The following HOXB4 variants were observed in gnomAD, a reference collection of about 807,000 sequenced individuals.
HOXB4 encodes the protein homeobox protein Hox-B4.
HOXB4 carries 13 observed loss-of-function variants against 20.0 expected under a neutral mutation model. That is an observed-to-expected ratio of 0.65 (90% CI 0.42 to 1.03). The LOEUF (loss-of-function observed/expected upper bound fraction) is 1.03. HOXB4 is among the 50% of genes least tolerant of loss of function. The pLI, the probability that HOXB4 is intolerant of heterozygous loss-of-function variation, is 0.00. For missense variants in HOXB4, 343 were observed against 357.1 expected, an observed-to-expected ratio of 0.96 and a Z score of 0.32; for synonymous variants, 173 against 148.9, an observed-to-expected ratio of 1.16 and a Z score of -1.18.
At chr17:48,577,782 C>T in intron 1 of HOXB4, 81 bp downstream of exon 1, 15 of 1,227,980 alleles carry the variant, frequency 1.2e-5, no homozygotes, top group Non-Finnish European at 1.6e-5. Context: ...CCAGCTCAAC[C>T]CCCCCCCAAC....
intron 1 of HOXB4, among the ~76,000 whole-genome samples, chr17:48,577,448 C>T (rs1209918414): frequency 6.6e-6 from 1 of 152,198 alleles, no homozygotes; most frequent in African/African-American, 2.4e-5. Context: ...TTGCTCACTT[C>T]TCCAGCCAAG....
In HOXB4 at chr17:48,576,405, C is replaced by A. The variant is rs990757076; in HGVS notation, c.*317G>T. The A allele has an allele frequency of 1.2e-5, 3 of 252,598 alleles. No homozygotes were observed. The highest frequency in any genetic ancestry group is 2.2e-5 in the Non-Finnish European group (3 of 134,138). 15.6% of individuals were successfully genotyped at this position (252,598 alleles called of 1,614,324 possible). Reference sequence around the variant, plus strand: ...CGCCAAAGCTGAAAACGAGGAGCTGCAGCCTCCTCCTATTTCTCTTTCTGT... The same window carrying A: ...CGCCAAAGCTGAAAACGAGGAGCTGAAGCCTCCTCCTATTTCTCTTTCTGT... On this transcript the variant is annotated 3_prime_UTR_variant, in exon 2 of 2. Coordinates refer to ENST00000332503, the MANE Select transcript of HOXB4 (RefSeq NM_024015.5).
Position 48,575,523 on chromosome 17 carries a change from C to A in HOXB4, c.*1199G>T, listed in dbSNP as rs72829861. On this transcript the variant is annotated 3_prime_UTR_variant, in exon 2 of 2. Coordinates refer to ENST00000332503, the MANE Select transcript of HOXB4 (RefSeq NM_024015.5). ...AACACGCTGTGCTGGTCACAAGAAACCAAACATTTATTTCTATTGTCACTC... is the reference window on the plus strand; with the variant it reads ...AACACGCTGTGCTGGTCACAAGAAAACAAACATTTATTTCTATTGTCACTC... 0.044 allele frequency: 6,777 copies of A among 152,414 alleles called. 192 individuals are homozygous for A. Among genetic ancestry groups the A allele is most frequent in the South Asian group, 0.071 (343 of 4,814 alleles). The allele number at this position is 152,414 out of a possible 1,614,324, so 9.4% of individuals were successfully genotyped here. A position where few individuals can be genotyped will look rare whatever the true frequency, so the allele number is the denominator to read the frequency against.
intron 1 of HOXB4, 92 bp downstream of exon 1, chr17:48,577,771 C>T (rs1157007365): frequency 1.6e-5 from 19 of 1,175,560 alleles, no homozygotes; most frequent in Non-Finnish European, 1.8e-5. Context: ...AATTGGCTTC[C>T]CCAGCTCAAC....
rs1025173838 is a variant in HOXB4, at chr17:48,578,215, G to A, written c.105C>T (p.Pro35=). 2 of 1,613,782 alleles carry A rather than the reference G, an allele frequency of 1.2e-6. No homozygotes were observed. Among genetic ancestry groups the A allele is most frequent in the Non-Finnish European group, 1.7e-6 (2 of 1,179,830 alleles). Residue 35 remains proline (P), a synonymous_variant, in exon 1 of 2, where the codon CCC becomes CCT. Transcript: ENST00000332503. ...GCCTCTGGCCGCCGGCGTAGTACCC[G>A]GGCGAGTGGTCGCTGGGTAGGTAAT... The part of the protein sequence containing the change: ...QSDYLPSDHS[P]GYYAGGQRRE...
chr17:48,577,917 C>T lies in HOXB4; in HGVS notation c.403G>A (p.Ala135Thr), dbSNP rs532963118. ...NPLHPSPSHS[A>T]CKEPVVYPWM... Reference sequence around the variant, plus strand: ...GGGTAGACGACGGGCTCTTTGCACGCGGAGTGGGACGGGCTGGGGTGCAGG... The same window carrying T: ...GGGTAGACGACGGGCTCTTTGCACGTGGAGTGGGACGGGCTGGGGTGCAGG... Residue 135 changes from alanine (A) to threonine (T), a missense_variant, in exon 1 of 2, where the codon GCG becomes ACG. By Grantham distance (58) the Ala-to-Thr change is moderately conservative. Transcript: ENST00000332503. 1 of 1,368,932 alleles carries T rather than the reference C, an allele frequency of 7.3e-7. No homozygotes were observed. The highest frequency in any genetic ancestry group is 9.5e-7 in the Non-Finnish European group (1 of 1,053,802). 84.8% of individuals were successfully genotyped at this position (1,368,932 alleles called of 1,614,324 possible). A position where few individuals can be genotyped will look rare whatever the true frequency, so the allele number is the denominator to read the frequency against.
In HOXB4 at chr17:48,578,146, C is replaced by G. The variant is rs1212863514; in HGVS notation, c.174G>C (p.Ala58=). The G allele has an allele frequency of 3.8e-6, 6 of 1,577,414 alleles. No homozygotes were observed. The African/African-American group carries it at 5.4e-5, about 14-fold the overall frequency. ...CCGCGTAGCGCTGCACGGTGCACGC[C>G]GCGCGCCGCCCGAAGCCCGCCTCCG... The part of the protein sequence containing the change: ...FQPEAGFGRR[A]ACTVQRYAAC... The change falls in exon 1 of 2, where the codon GCG becomes GCC. Residue 58 remains alanine (A), a synonymous_variant. Coordinates refer to ENST00000332503, the MANE Select transcript of HOXB4 (RefSeq NM_024015.5).
chr17:48,577,150 GC>G (rs3833171), intron 1 of HOXB4, 130 bp from the exon 2 acceptor site: 841,564 of 949,742 alleles, frequency 0.89, 375,089 homozygotes, highest in Non-Finnish European at 0.91. Flanking sequence ...CTGAGGGAGA[GC>G]GGGGAAAAAC....
Position 48,576,524 on chromosome 17 carries a change from G to C in HOXB4, c.*198C>G, listed in dbSNP as rs754344512. On this transcript the variant is annotated 3_prime_UTR_variant, in exon 2 of 2. Coordinates refer to ENST00000332503, the MANE Select transcript of HOXB4 (RefSeq NM_024015.5). ...ATCTTGCTTCTGGGGGGGCCTCCCC[G>C]TGGCCCTCTATTGTCATTTCTATAA... 9.7e-6 allele frequency: 4 copies of C among 413,866 alleles called. No individual in the cohort carries two copies. Among genetic ancestry groups the C allele is most frequent in the Non-Finnish European group, 1.7e-5 (4 of 237,664 alleles). The allele number at this position is 413,866 out of a possible 1,614,324, so 25.6% of individuals were successfully genotyped here.
At position 48,575,628 on chromosome 17, in the gene HOXB4, G is replaced by C. The variant is rs958236902; in HGVS notation, c.*1094C>G. The C allele has an allele frequency of 1.3e-5, 2 of 152,388 alleles. No individual in the cohort carries two copies. Among genetic ancestry groups the C allele is most frequent in the Non-Finnish European group, 2.9e-5 (2 of 68,010 alleles). The allele number at this position is 152,388 out of a possible 1,614,324, so 9.4% of individuals were successfully genotyped here. ...AGAGGTAGGAAGGGGCCTGGTTTTG[G>C]AATGTCAGAAAGAGAAAAGGAGAGA... On this transcript the variant is annotated 3_prime_UTR_variant, in exon 2 of 2. Coordinates refer to ENST00000332503, the MANE Select transcript of HOXB4 (RefSeq NM_024015.5).
Position 48,577,850 on chromosome 17 carries a change from C to T in HOXB4, c.457+13G>A. 1 of 1,400,274 alleles carries T rather than the reference C, an allele frequency of 7.1e-7. No individual in the cohort carries two copies. Among genetic ancestry groups the T allele is most frequent in the South Asian group, 1.9e-5 (1 of 53,422 alleles). 86.7% of individuals were successfully genotyped at this position (1,400,274 alleles called of 1,614,324 possible). On this transcript the variant is annotated intron_variant, in intron 1 of 1. Transcript: ENST00000332503. ...CCAGGGGTGGGAGGGGGAAGGGGTG[C>T]CCACGCACTCACCCGTGCTCACGTG...
At position 48,576,872 on chromosome 17, in the gene HOXB4, G is replaced by A. The variant is rs761031489; in HGVS notation, c.606C>T (p.Ser202=). 3.7e-6 allele frequency: 6 copies of A among 1,614,098 alleles called. No homozygotes were observed. Among genetic ancestry groups the A allele is most frequent in the Non-Finnish European group, 4.2e-6 (5 of 1,180,040 alleles). ...RVEIAHALCL[S]ERQIKIWFQN... is the part of the protein sequence containing the mutation. ...GGAACCAGATCTTGATCTGGCGCTC[G>A]GAGAGGCAGAGCGCGTGGGCGATCT... is the stretch of plus-strand genomic sequence containing the variant. The change falls in exon 2 of 2, where the codon TCC becomes TCT. Residue 202 remains serine, a synonymous_variant. Transcript: ENST00000332503.
Position 48,577,166 on chromosome 17 carries a change from AG to A in HOXB4, c.458-147del, listed in dbSNP as rs2069793339. On this transcript the variant is annotated intron_variant, in intron 1 of 1. Coordinates refer to ENST00000332503, the MANE Select transcript of HOXB4 (RefSeq NM_024015.5). Reference sequence around the variant, plus strand: ...TGAGGGAGAGCGGGGAAAAACGAAAAGGGAAGAATGCAAGACCCAAGAATGA... The same window carrying A: ...TGAGGGAGAGCGGGGAAAAACGAAAAGGAAGAATGCAAGACCCAAGAATGA... The A allele has an allele frequency of 6.2e-6, 5 of 808,290 alleles. No individual in the cohort carries two copies. The African/African-American group carries it at 8.7e-5, about 14-fold the overall frequency. The allele number at this position is 808,290 out of a possible 1,614,324, so 50.1% of individuals were successfully genotyped here. A position where few individuals can be genotyped will look rare whatever the true frequency, so the allele number is the denominator to read the frequency against.
intron 1 of HOXB4, 56 bp downstream of exon 1, chr17:48,577,807 T>A (rs1373682656): frequency 1.2e-5 from 16 of 1,344,720 alleles, no homozygotes; most frequent in South Asian, 6.6e-5. Context: ...GCCTCCGAAG[T>A]CCCTTTGGTG....
Position 48,577,006 on chromosome 17 carries a change from C to G in HOXB4, c.472G>C (p.Ala158Pro). 6.2e-7 allele frequency: 1 copy of G among 1,603,466 alleles called. No individual in the cohort carries two copies. Residue 158 changes from alanine (A) to proline (P), a missense_variant, in exon 2 of 2, where the codon GCC becomes CCC. By Grantham distance (27) the Ala-to-Pro change is conservative. Around this residue, in one of 3 missense-constraint regions of HOXB4, gnomAD observed 54 missense variants for 90.3 expected, o/e 0.60. Coordinates refer to ENST00000332503, the MANE Select transcript of HOXB4 (RefSeq NM_024015.5). The stretch of plus-strand genomic sequence containing the variant: ...CGAGAGCGCTTGGGCTCCCCGCCGG[C>G]GTAATTGGGGTTTACTGGACACACA... ...VHVSTVNPNY[A>P]GGEPKRSRTA...
chr17:48,577,748 T>G, intron 1 of HOXB4, 115 bp downstream of exon 1: 1 of 946,858 alleles, frequency 1.1e-6, no homozygotes, highest in Non-Finnish European at 1.4e-6. Context: ...AATGGCGAGT[T>G]TATAGCGGGG....
At position 48,576,877 on chromosome 17, in the gene HOXB4, G is replaced by A. The variant is rs766702664; in HGVS notation, c.601C>T (p.Leu201Phe). Residue 201 changes from leucine (L) to phenylalanine (F), a missense_variant, in exon 2 of 2, where the codon CTC becomes TTC. Leu to Phe is a conservative substitution (Grantham distance 22). Transcript: ENST00000332503. Reference sequence around the variant, plus strand: ...CAGATCTTGATCTGGCGCTCGGAGAGGCAGAGCGCGTGGGCGATCTCCACC... The same window carrying A: ...CAGATCTTGATCTGGCGCTCGGAGAAGCAGAGCGCGTGGGCGATCTCCACC... ...RRVEIAHALC[L>F]SERQIKIWFQ... 1.2e-6 allele frequency: 2 copies of A among 1,614,250 alleles called. No individual in the cohort carries two copies. The highest frequency in any genetic ancestry group is 1.7e-6 in the Non-Finnish European group (2 of 1,180,038).
chr17:48,576,645 T>TGTCCCCCCCCCCCCCCC lies in HOXB4; in HGVS notation c.*76_*77insGGGGGGGGGGGGGGGAC. On this transcript the variant is annotated 3_prime_UTR_variant, in exon 2 of 2. Coordinates refer to ENST00000332503, the MANE Select transcript of HOXB4 (RefSeq NM_024015.5). ...CCGGGGCCCAGGCCCCAGGGCCCCCTCCTGTCCCCCCACCCCATCCCCTGC... is the reference window on the plus strand; with the variant it reads ...CCGGGGCCCAGGCCCCAGGGCCCCCTGTCCCCCCCCCCCCCCCCCTGTCCCCCCACCCCATCCCCTGC... 1 of 559,070 alleles carries TGTCCCCCCCCCCCCCCC rather than the reference T, an allele frequency of 1.8e-6. No homozygotes were observed. Among genetic ancestry groups the TGTCCCCCCCCCCCCCCC allele is most frequent in the Non-Finnish European group, 2.5e-6 (1 of 405,310 alleles). 34.6% of individuals were successfully genotyped at this position (559,070 alleles called of 1,614,324 possible).
In HOXB4 at chr17:48,576,942, T is replaced by C; in HGVS notation, c.536A>G (p.Lys179Arg). 6.2e-7 allele frequency: 1 copy of C among 1,614,234 alleles called. No individual in the cohort carries two copies. The part of the protein sequence containing the change: ...YTRQQVLELE[K>R]EFHYNRYLTR... ...CAGGTAGCGGTTGTAGTGAAATTCC[T>C]TCTCCAGCTCCAAGACCTGCTGGCG... Residue 179 changes from lysine to arginine, a missense_variant, in exon 2 of 2, where the codon AAG becomes AGG. Physicochemically the swap from Lys to Arg is conservative, Grantham distance 26. This residue lies in a region of HOXB4 where 54 missense variants were observed against 90.3 expected (regional missense o/e 0.60). Transcript: ENST00000332503.
Sources: allele counts gnomAD v4.1 joint callset (sites outside exome capture counted in the v4.1 genomes callset), GRCh38; gene constraint gnomAD v4.1.1; regional missense constraint gnomAD v4.1.1; transcripts MANE v1.5; gene names NCBI Gene and HGNC (gene_info 2026-07-23, HGNC 2026-07-21).